Variants in KCNIP1 observed in about 807,000 individuals in gnomAD.
KCNIP1 encodes potassium voltage-gated channel interacting protein 1, also known as A-type potassium channel modulatory protein KCNIP1.
A neutral mutation model predicts 33.0 loss-of-function variants in KCNIP1; 18 were observed. That is an observed-to-expected ratio of 0.55 (90% confidence interval 0.38 to 0.81). The LOEUF (loss-of-function observed/expected upper bound fraction) is 0.81, where lower values mean the gene tolerates loss of function less well. Among genes scored for constraint, KCNIP1 ranks in the 30% least tolerant of loss-of-function variants. The pLI, the probability that KCNIP1 is intolerant of heterozygous loss-of-function variation, is 0.00. For missense variants in KCNIP1, 238 were observed against 271.6 expected, an observed-to-expected ratio of 0.88 and a Z score of 0.87; for synonymous variants, 93 against 98.3, an observed-to-expected ratio of 0.95 and a Z score of 0.32.
At chr5:170,357,502 C>A (rs903516062) in intron 1 of KCNIP1, among the ~76,000 whole-genome samples, 1 of 152,160 alleles carries the variant, frequency 6.6e-6, no homozygotes, top group African/African-American at 2.4e-5. Flanking sequence ...TTATGAAAGC[C>A]TATGGCCTTG....
At chr5:170,431,978 G>A (rs1356380178) in intron 1 of KCNIP1, among the ~76,000 whole-genome samples, 1 of 151,972 alleles carries the variant, frequency 6.6e-6, no homozygotes, top group Non-Finnish European at 1.5e-5. Context: ...TCTCATGGTT[G>A]AGCTGTTTGG....
chr5:170,391,456 C>T (rs1244024938), intron 1 of KCNIP1, among the ~76,000 whole-genome samples: 1 of 152,220 alleles, frequency 6.6e-6, no homozygotes, highest in Admixed American at 6.5e-5. Flanking sequence ...CAAGCCCTGT[C>T]CTCGAGGGTT....
intron 1 of KCNIP1, among the ~76,000 whole-genome samples, chr5:170,403,815 C>T (rs988085937): frequency 3.3e-5 from 5 of 152,174 alleles, no homozygotes; most frequent in Non-Finnish European, 7.3e-5. Flanking sequence ...CCTCCTACTA[C>T]GCCGGCTTTG....
intron 1 of KCNIP1, among the ~76,000 whole-genome samples, chr5:170,703,861 T>A (rs541307763): frequency 1.5e-5 from 2 of 137,916 alleles, no homozygotes; most frequent in Non-Finnish European, 3.0e-5. Flanking sequence ...GCAAAGCAGA[T>A]ATTAGACATC....
chr5:170,656,327 A>C (rs1761261481), intron 1 of KCNIP1, among the ~76,000 whole-genome samples: 1 of 152,232 alleles, frequency 6.6e-6, no homozygotes, highest in Non-Finnish European at 1.5e-5. Flanking sequence ...CCAGGCCTGC[A>C]TCTGCAGGGA....
intron 1 of KCNIP1, among the ~76,000 whole-genome samples, chr5:170,539,160 G>T (rs1756102473): frequency 6.6e-6 from 1 of 152,084 alleles, no homozygotes; most frequent in Admixed American, 6.5e-5. Flanking sequence ...AGACATTTCA[G>T]GATTGCCTCA....
intron 1 of KCNIP1, among the ~76,000 whole-genome samples, chr5:170,629,934 C>T (rs1228325304): frequency 2.0e-5 from 3 of 152,262 alleles, no homozygotes; most frequent in Non-Finnish European, 2.9e-5. Flanking sequence ...TGGACCTGTT[C>T]CTCTTGATGG....
chr5:170,579,877 G>T (rs1757729411), intron 1 of KCNIP1, among the ~76,000 whole-genome samples: 1 of 152,062 alleles, frequency 6.6e-6, no homozygotes, highest in Non-Finnish European at 1.5e-5. Context: ...CCTTGCCTGA[G>T]TGGGGGGTGG....
At chr5:170,544,719 C>T (rs1007378371) in intron 1 of KCNIP1, among the ~76,000 whole-genome samples, 2 of 151,636 alleles carry the variant, frequency 1.3e-5, no homozygotes, top group Non-Finnish European at 2.9e-5. Context: ...GAATTTTGTG[C>T]AGTGGTTACC....
At chr5:170,360,946 C>T (rs1763496100) in intron 1 of KCNIP1, among the ~76,000 whole-genome samples, 1 of 152,224 alleles carries the variant, frequency 6.6e-6, no homozygotes, top group East Asian at 1.9e-4. Context: ...CTGGAGCCTA[C>T]CACTCCCTAT....
intron 1 of KCNIP1, among the ~76,000 whole-genome samples, chr5:170,679,725 T>A (rs1210378565): frequency 6.9e-6 from 1 of 145,962 alleles, no homozygotes; most frequent in Admixed American, 6.8e-5. Flanking sequence ...CTTAGGGTGT[T>A]TTTTTTTTCA....
intron 1 of KCNIP1, among the ~76,000 whole-genome samples, chr5:170,373,727 A>C (rs1763909970): frequency 6.6e-6 from 1 of 152,220 alleles, no homozygotes; most frequent in Non-Finnish European, 1.5e-5. Flanking sequence ...CGGCATTCAG[A>C]CTGTTTTAAC....
chr5:170,524,571 T>C (rs1434461626), intron 1 of KCNIP1, among the ~76,000 whole-genome samples: 1 of 152,034 alleles, frequency 6.6e-6, no homozygotes, highest in African/African-American at 2.4e-5. Flanking sequence ...CATATTCATG[T>C]AAAAGACTCA....
intron 1 of KCNIP1, chr5:170,485,877 A>C (rs1757080724): frequency 6.6e-6 from 1 of 152,364 alleles, no homozygotes. Context: ...TAGACTCAGC[A>C]TCATCAAGAC....
chr5:170,575,995 C>T (rs528035171), intron 1 of KCNIP1, among the ~76,000 whole-genome samples: 16 of 152,298 alleles, frequency 1.1e-4, no homozygotes, highest in Middle Eastern at 3.4e-3. Context: ...TCACCCCAAA[C>T]GCAATGCTCT....
At chr5:170,556,054 T>G (rs576026638) in intron 1 of KCNIP1, among the ~76,000 whole-genome samples, 1 of 152,256 alleles carries the variant, frequency 6.6e-6, no homozygotes, top group African/African-American at 2.4e-5. Flanking sequence ...TCACAACAAC[T>G]CAACCGTTTA....
chr5:170,515,031 A>G (rs1755072214), intron 1 of KCNIP1, among the ~76,000 whole-genome samples: 1 of 152,122 alleles, frequency 6.6e-6, no homozygotes, highest in South Asian at 2.1e-4. Flanking sequence ...TGATCCCCCT[A>G]TTTTATAGAT....
chr5:170,526,466 A>G (rs1360110470), intron 1 of KCNIP1, among the ~76,000 whole-genome samples: 1 of 152,026 alleles, frequency 6.6e-6, no homozygotes, highest in Non-Finnish European at 1.5e-5. Context: ...CATTAGAGGG[A>G]CTCATTCATT....
intron 1 of KCNIP1, among the ~76,000 whole-genome samples, chr5:170,687,839 T>C (rs1413966669): frequency 1.3e-5 from 2 of 152,194 alleles, no homozygotes; most frequent in African/African-American, 4.8e-5. Context: ...TGTCATGAGA[T>C]GAAATGTAAG....
Sources: allele counts gnomAD v4.1 joint callset (sites outside exome capture counted in the v4.1 genomes callset), GRCh38; gene constraint gnomAD v4.1.1; transcripts MANE v1.5; gene names NCBI Gene and HGNC (gene_info 2026-07-23, HGNC 2026-07-21).